ASCC3: variants seen among roughly 807,000 people sequenced by gnomAD.
ASCC3 encodes the protein activating signal cointegrator 1 complex subunit 3.
In ASCC3, 158 loss-of-function variants were observed where a neutral mutation model predicts 256.3. The ratio of observed to expected loss-of-function variants is 0.62; its 90% CI spans 0.54 to 0.70. The LOEUF (loss-of-function observed/expected upper bound fraction) is 0.70. Among genes scored for constraint, ASCC3 ranks in the 30% least tolerant of loss-of-function variants. The pLI, the probability that ASCC3 is intolerant of heterozygous loss-of-function variation, is 0.00. For synonymous variants in ASCC3, 948 were observed against 883.4 expected (o/e 1.07, Z -1.30); for missense variants, 2,259 against 2,626.0 (o/e 0.86, Z 3.05).
At chr6:100,871,578 G>A (rs1387379432) in intron 1 of ASCC3, among the ~76,000 whole-genome samples, 1 of 152,116 alleles carries the variant, frequency 6.6e-6, no homozygotes, top group Non-Finnish European at 1.5e-5. Context: ...ACCAGCCTGG[G>A]CAACACAGTG....
chr6:100,786,569 G>A (rs923187791), intron 8 of ASCC3, among the ~76,000 whole-genome samples: 4 of 152,084 alleles, frequency 2.6e-5, no homozygotes, highest in African/African-American at 9.7e-5. Context: ...ACTAGTAAAA[G>A]TAATTTAAAG....
intron 10 of ASCC3, among the ~76,000 whole-genome samples, chr6:100,744,355 G>T (rs1780571259): frequency 6.6e-6 from 1 of 152,106 alleles, no homozygotes. Flanking sequence ...ATTTTCCAGA[G>T]CAAAGTACAA....
At chr6:100,776,608 A>G (rs559641849) in intron 8 of ASCC3, among the ~76,000 whole-genome samples, 1 of 152,212 alleles carries the variant, frequency 6.6e-6, no homozygotes, top group East Asian at 1.9e-4. Context: ...ATATCCATTT[A>G]TTAAATACTG....
At chr6:100,634,419 G>T (rs989042228) in intron 25 of ASCC3, among the ~76,000 whole-genome samples, 6 of 151,968 alleles carry the variant, frequency 3.9e-5, no homozygotes, top group Admixed American at 3.9e-4. Context: ...TACCCAAATG[G>T]GTTCAGTACC....
chr6:100,656,952 C>G (rs1775942117), intron 16 of ASCC3, among the ~76,000 whole-genome samples: 2 of 150,738 alleles, frequency 1.3e-5, no homozygotes, highest in African/African-American at 4.8e-5. Context: ...AAAGGAAAAA[C>G]AAACCCTCTC....
At chr6:100,735,451 ATCT>A (rs1176572780) in intron 10 of ASCC3, among the ~76,000 whole-genome samples, 1 of 13,400 alleles carries the variant, frequency 7.5e-5, no homozygotes, top group African/African-American at 1.2e-4. Context: ...GATGTTTAAC[ATCT>A]TATTTTTTTT....
intron 4 of ASCC3, among the ~76,000 whole-genome samples, chr6:100,833,009 T>A (rs1052848305): frequency 9.2e-5 from 14 of 151,566 alleles, no homozygotes; most frequent in Non-Finnish European, 1.8e-4. Context: ...ATTAATGAAA[T>A]TAAAAATCTT....
Position 100,606,831 on chromosome 6 carries a change from C to G in ASCC3, c.4953G>C (p.Trp1651Cys), listed in dbSNP as rs1348219521. 6.2e-7 allele frequency: 1 copy of G among 1,612,192 alleles called. No individual in the cohort carries two copies. The change falls in exon 32 of 42, where the codon TGG (tryptophan) becomes TGC (cysteine). Residue 1651 changes from tryptophan to cysteine, a missense_variant. Transcript: ENST00000369162. ...CTAAATGAGCTGGAAAGTTTACACC[C>G]CAGGCTAATGTGCTTGTAGCAATAA... ...QVLIATSTLA[W>C]GVNFPAHLVI...
intron 16 of ASCC3, among the ~76,000 whole-genome samples, chr6:100,657,335 A>G (rs1775965165): frequency 1.3e-5 from 2 of 151,488 alleles, no homozygotes. Context: ...AAGAACTAAA[A>G]TTGAGCCAGT....
intron 13 of ASCC3, among the ~76,000 whole-genome samples, chr6:100,692,617 T>C (rs528983077): frequency 8.5e-5 from 13 of 152,162 alleles, no homozygotes; most frequent in Middle Eastern, 3.4e-3. Context: ...TTTGTTCCAA[T>C]TGGAATTTAT....
At chr6:100,806,074 C>T (rs1412444972) in intron 4 of ASCC3, among the ~76,000 whole-genome samples, 194 bp from the exon 5 acceptor site, 1 of 151,864 alleles carries the variant, frequency 6.6e-6, no homozygotes, top group Non-Finnish European at 1.5e-5. Context: ...AGGCTTTCTG[C>T]AATTACATAA....
chr6:100,600,029 G>T (rs1042207441), intron 34 of ASCC3, among the ~76,000 whole-genome samples: 3 of 152,078 alleles, frequency 2.0e-5, no homozygotes, highest in African/African-American at 7.2e-5. Flanking sequence ...GCTCAGAGAG[G>T]TAAAGTGACT....
Position 100,601,862 on chromosome 6 carries a change from A to C in ASCC3, c.5251T>G (p.Leu1751Val), listed in dbSNP as rs770683316. ...AAGTAAGTCCAGGTGATATAATCCA[A>C]TGCATCTTGCTTAGATGTAATTGTA... ...GGTITSKQDA[L>V]DYITWTYFFR... is the part of the protein sequence containing the mutation. The change falls in exon 34 of 42, where the codon TTG (leucine) becomes GTG (valine). Residue 1751 changes from leucine (L) to valine (V), a missense_variant. Leu to Val is a conservative substitution (Grantham distance 32). Coordinates refer to ENST00000369162, the MANE Select transcript of ASCC3 (RefSeq NM_006828.4). The C allele has an allele frequency of 6.2e-7, 1 of 1,612,756 alleles. No homozygotes were observed. Among genetic ancestry groups the C allele is most frequent in the Admixed American group, 1.7e-5 (1 of 59,974 alleles).
At chr6:100,656,185 A>C (rs1165676261) in intron 16 of ASCC3, among the ~76,000 whole-genome samples, 1 of 151,654 alleles carries the variant, frequency 6.6e-6, no homozygotes, top group East Asian at 1.9e-4. Context: ...ACTGCTGAAA[A>C]ATGTAAGTGT....
At chr6:100,604,009 T>G (rs1251032626) in intron 33 of ASCC3, among the ~76,000 whole-genome samples, 1 of 152,128 alleles carries the variant, frequency 6.6e-6, no homozygotes, top group Non-Finnish European at 1.5e-5. Context: ...CGATTGATGC[T>G]ATTTCACCCT....
chr6:100,786,804 C>A (rs775221065), intron 8 of ASCC3, among the ~76,000 whole-genome samples: 3 of 152,032 alleles, frequency 2.0e-5, no homozygotes, highest in Non-Finnish European at 4.4e-5. Context: ...ACTTTGAAAC[C>A]GCACTTCAGA....
chr6:100,557,505 C>T (rs1278243704), intron 36 of ASCC3, among the ~76,000 whole-genome samples: 1 of 152,014 alleles, frequency 6.6e-6, no homozygotes, highest in Non-Finnish European at 1.5e-5. Flanking sequence ...TGCCTTGTCT[C>T]TATTAAAATG....
rs1248921043 is a variant in ASCC3 at position 100,661,822 on chromosome 6, T to C, written c.2687A>G (p.Asp896Gly). ...IESQFLESLA[D>G]NLNAEIALGT... ...AGATCTTACCTCTGCATTTAGGTTA[T>C]CTGCAAGGCTTTCCAGAAACTGACT... Residue 896 changes from aspartate to glycine, a missense_variant, in exon 16 of 42, where the codon GAT (aspartate) becomes GGT (glycine). Asp to Gly is a moderately conservative substitution (Grantham distance 94). Coordinates refer to ENST00000369162, the MANE Select transcript of ASCC3 (RefSeq NM_006828.4). The C allele has an allele frequency of 6.2e-7, 1 of 1,613,130 alleles. No individual in the cohort carries two copies. The highest frequency in any genetic ancestry group is 8.5e-7 in the Non-Finnish European group (1 of 1,179,260).
chr6:100,629,380 G>T (rs1582594043), intron 26 of ASCC3, among the ~76,000 whole-genome samples, 199 bp from the exon 27 acceptor site: 1 of 152,212 alleles, frequency 6.6e-6, no homozygotes, highest in Middle Eastern at 3.4e-3. Context: ...GCCATAAAAT[G>T]AAGGTCATAT....
Sources: gnomAD v4.1 joint callset for allele counts (sites outside exome capture counted in the v4.1 genomes callset) on GRCh38, gnomAD v4.1.1 for gene constraint, MANE v1.5 for transcripts, NCBI Gene and HGNC (gene_info 2026-07-23, HGNC 2026-07-21) for gene names.